TENM3: variants seen among roughly 807,000 people sequenced by gnomAD.
The protein encoded by TENM3 is teneurin-3.
A neutral mutation model predicts 255.1 loss-of-function variants in TENM3; 63 were observed. The ratio of observed to expected loss-of-function variants is 0.25; its 90% confidence interval spans 0.20 to 0.30. The LOEUF (loss-of-function observed/expected upper bound fraction) is 0.30. Among genes scored for constraint, TENM3 ranks in the 10% least tolerant of loss-of-function variants. The pLI is 1.00. For missense variants in TENM3, 2,929 were observed against 3,461.1 expected (o/e 0.85, Z 3.86); for synonymous variants, 1,306 against 1,322.3 (o/e 0.99, Z 0.27).
chr4:181,818,978 T>A, the TENM3 span, among the ~76,000 whole-genome samples: 47 of 152,294 alleles, frequency 3.1e-4, no homozygotes, highest in African/African-American at 1.1e-3. Context: ...GTCTTGCCCA[T>A]GAAGACCATG....
the TENM3 span, among the ~76,000 whole-genome samples, chr4:181,478,277 T>A: frequency 6.6e-6 from 1 of 152,248 alleles, no homozygotes; most frequent in Admixed American, 6.5e-5. Context: ...GGTATTATAA[T>A]AACCTTACTA....
At position 182,327,417 on chromosome 4, in the gene TENM3, G is replaced by A. The variant is rs1242405464; in HGVS notation, c.232+3165G>A. Among the ~76,000 whole-genome samples, 3 of 152,172 alleles carry A rather than the reference G, an allele frequency of 2.0e-5. No individual in the cohort carries two copies. In the East Asian group the frequency reaches 5.8e-4, roughly 29 times the overall value. ...CTTCGGCTGGAGAAAGGGACAAGCA[G>A]GGTTTCCGTTGGTGCGATTATATGG... On this transcript the variant is annotated intron_variant, in intron 2 of 27. Transcript: ENST00000511685.
At chr4:182,031,458 G>A in the TENM3 span, among the ~76,000 whole-genome samples, 29 of 152,124 alleles carry the variant, frequency 1.9e-4, no homozygotes, top group East Asian at 7.7e-4. Flanking sequence ...TTACTGTAGC[G>A]TTGCAGTGTA....
chr4:181,471,546 CA>C, the TENM3 span, among the ~76,000 whole-genome samples: 1 of 152,000 alleles, frequency 6.6e-6, no homozygotes, highest in African/African-American at 2.4e-5. Context: ...GAAACCAATA[CA>C]ATTTTGAACT....
the TENM3 span, among the ~76,000 whole-genome samples, chr4:181,987,577 G>A: frequency 5.9e-5 from 9 of 152,078 alleles, no homozygotes; most frequent in African/African-American, 1.4e-4. Context: ...CTCAATATGC[G>A]TAGAGTGTTG....
At chr4:182,696,984 G>A (rs1188406085) in intron 12 of TENM3, among the ~76,000 whole-genome samples, 3 of 151,976 alleles carry the variant, frequency 2.0e-5, no homozygotes, top group Non-Finnish European at 4.4e-5. Flanking sequence ...CTGTGCCTCA[G>A]TTTACTCATC....
intron 3 of TENM3, among the ~76,000 whole-genome samples, chr4:182,492,048 G>A (rs1198602840): frequency 6.6e-6 from 1 of 152,182 alleles, no homozygotes; most frequent in Non-Finnish European, 1.5e-5. Context: ...GGAAGAAGAT[G>A]GATGGGGACA....
chr4:182,078,956 T>C, the TENM3 span, among the ~76,000 whole-genome samples: 2 of 152,224 alleles, frequency 1.3e-5, no homozygotes, highest in East Asian at 3.9e-4. Context: ...CCTGGGAGTA[T>C]TTTGAGAGCT....
chr4:182,455,561 T>A (rs1017805654), intron 3 of TENM3, among the ~76,000 whole-genome samples: 1 of 136,024 alleles, frequency 7.4e-6, no homozygotes, highest in Non-Finnish European at 1.6e-5. Context: ...TTCTTTTTTT[T>A]TTTTTTTTTT....
chr4:182,574,187 C>A (rs1192235495), intron 3 of TENM3, among the ~76,000 whole-genome samples: 1 of 152,048 alleles, frequency 6.6e-6, no homozygotes, highest in East Asian at 1.9e-4. Flanking sequence ...TATTTGTATT[C>A]TTTCATATGC....
the TENM3 span, among the ~76,000 whole-genome samples, chr4:181,817,755 C>T: frequency 6.6e-6 from 1 of 152,300 alleles, no homozygotes; most frequent in Admixed American, 6.5e-5. Flanking sequence ...ATCTTGGAAG[C>T]AGAGACCAAA....
intron 13 of TENM3, among the ~76,000 whole-genome samples, chr4:182,718,844 C>T (rs1279172114): frequency 6.6e-6 from 1 of 152,308 alleles, no homozygotes; most frequent in African/African-American, 2.4e-5. Context: ...GGTTGCTTGA[C>T]TTTAAATAGC....
intron 19 of TENM3, among the ~76,000 whole-genome samples, chr4:182,744,817 C>A (rs934274209): frequency 6.6e-6 from 1 of 151,886 alleles, no homozygotes; most frequent in Non-Finnish European, 1.5e-5. Flanking sequence ...AAGTGAAGGA[C>A]GAATATAGTT....
At chr4:182,648,999 GT>G (rs1561053646) in intron 5 of TENM3, among the ~76,000 whole-genome samples, 1 of 152,098 alleles carries the variant, frequency 6.6e-6, no homozygotes, top group Non-Finnish European at 1.5e-5. Flanking sequence ...GTTTGGGGTT[GT>G]TTCCAGTTTG....
chr4:181,962,394 C>G, the TENM3 span, among the ~76,000 whole-genome samples: 22 of 152,312 alleles, frequency 1.4e-4, no homozygotes, highest in African/African-American at 5.1e-4. Flanking sequence ...GGTCTGCCCT[C>G]TCTGTTGCAT....
At chr4:181,474,144 C>T in the TENM3 span, among the ~76,000 whole-genome samples, 1 of 151,936 alleles carries the variant, frequency 6.6e-6, no homozygotes, top group African/African-American at 2.4e-5. Context: ...GGGAACATCA[C>T]ACACACACCA....
At position 182,786,630 on chromosome 4, in the gene TENM3, G is replaced by A. The variant is rs140403524; in HGVS notation, c.5305-2463G>A. On this transcript the variant is annotated intron_variant, in intron 24 of 27. Coordinates refer to ENST00000511685, the MANE Select transcript of TENM3 (RefSeq NM_001080477.4). Reference sequence around the variant, plus strand: ...CATGCCTGTCTCCCTACAGCAGCACGTCATATCCACTCTGTGGTCCAGATT... The same window carrying A: ...CATGCCTGTCTCCCTACAGCAGCACATCATATCCACTCTGTGGTCCAGATT... 5.9e-3 allele frequency among the ~76,000 whole-genome samples: 889 copies of A among 151,706 alleles called. 10 individuals carry two copies. Among genetic ancestry groups the A allele is most frequent in the African/African-American group, 0.021 (854 of 41,346 alleles).
the TENM3 span, among the ~76,000 whole-genome samples, chr4:181,678,186 A>G: frequency 7.2e-5 from 11 of 152,162 alleles, no homozygotes; most frequent in African/African-American, 1.7e-4. Flanking sequence ...AAGATGAAAA[A>G]TCACTGAACA....
At chr4:182,397,472 T>A (rs1580409413) in intron 3 of TENM3, among the ~76,000 whole-genome samples, 1 of 138,254 alleles carries the variant, frequency 7.2e-6, no homozygotes, top group Non-Finnish European at 1.5e-5. Flanking sequence ...AGGCAATGAA[T>A]GGAGAGTCTA....
Sources: gnomAD v4.1 joint callset for allele counts (sites outside exome capture counted in the v4.1 genomes callset) on GRCh38, gnomAD v4.1.1 for gene constraint, MANE v1.5 for transcripts, NCBI Gene and HGNC (gene_info 2026-07-23, HGNC 2026-07-21) for gene names.